The following ERG variants were observed in gnomAD, a reference collection of about 807,000 sequenced individuals.
ERG encodes ETS transcription factor ERG.
Under a neutral mutation model 55.3 loss-of-function variants are expected in ERG, and 9 were observed. The ratio of observed to expected loss-of-function variants is 0.16; its 90% CI spans 0.10 to 0.28. ERG has a LOEUF of 0.28. Among genes scored for constraint, ERG ranks in the 10% least tolerant of loss-of-function variants. The pLI, the probability that ERG is intolerant of heterozygous loss-of-function variation, is 1.00. For missense variants in ERG, 434 were observed against 631.6 expected, an observed-to-expected ratio of 0.69 and a Z score of 3.35; for synonymous variants, 223 against 237.3, an observed-to-expected ratio of 0.94 and a Z score of 0.55.
upstream of ERG, among the ~76,000 whole-genome samples, chr21:38,587,089 A>T (rs2060070380): frequency 6.6e-6 from 1 of 152,212 alleles, no homozygotes. Context: ...GAAAAGTTGA[A>T]CTCCTATTTC....
upstream of ERG, among the ~76,000 whole-genome samples, chr21:38,586,766 G>A (rs1180232829): frequency 6.6e-6 from 1 of 152,150 alleles, no homozygotes; most frequent in African/African-American, 2.4e-5. Context: ...CATGATTGCT[G>A]GCAATCCCAC....
At chr21:38,624,000 A>G (rs1026262305) in intron 1 of ERG, among the ~76,000 whole-genome samples, 1 of 152,200 alleles carries the variant, frequency 6.6e-6, no homozygotes, top group African/African-American at 2.4e-5. Flanking sequence ...CATTCCTGAG[A>G]TGTTTTCCAT....
chr21:38,629,092 C>A (rs1051316727), intron 1 of ERG, among the ~76,000 whole-genome samples: 1 of 152,206 alleles, frequency 6.6e-6, no homozygotes, highest in Admixed American at 6.5e-5. Context: ...CAGAGTCCTG[C>A]AGCCCCTGGA....
intron 1 of ERG, among the ~76,000 whole-genome samples, chr21:38,495,394 G>A (rs554632002): frequency 6.6e-6 from 1 of 152,200 alleles, no homozygotes; most frequent in African/African-American, 2.4e-5. Flanking sequence ...TAGCACTAGG[G>A]TGCCCTCAGG....
chr21:38,435,028 A>C (rs1026296920), intron 2 of ERG, among the ~76,000 whole-genome samples: 2 of 152,296 alleles, frequency 1.3e-5, no homozygotes, highest in Non-Finnish European at 2.9e-5. Context: ...CACATTAAGA[A>C]GAACTTGGTG....
intron 1 of ERG, among the ~76,000 whole-genome samples, chr21:38,616,731 C>A (rs927923079): frequency 6.6e-6 from 1 of 152,094 alleles, no homozygotes; most frequent in African/African-American, 2.4e-5. Flanking sequence ...GTCTACCCTC[C>A]CCCACCTCAT....
At chr21:38,593,734 A>G (rs1024611085) in intron 1 of ERG, among the ~76,000 whole-genome samples, 4 of 152,214 alleles carry the variant, frequency 2.6e-5, no homozygotes, top group Non-Finnish European at 5.9e-5. Flanking sequence ...TTTTAGATAA[A>G]GCAAAACTCC....
At chr21:38,492,152 A>T (rs1055760900) in intron 1 of ERG, among the ~76,000 whole-genome samples, 4 of 152,232 alleles carry the variant, frequency 2.6e-5, no homozygotes, top group Non-Finnish European at 5.9e-5. Flanking sequence ...GAAGGGAGAC[A>T]GATTTGTGTG....
At chr21:38,603,232 T>C (rs1168538633) in intron 1 of ERG, among the ~76,000 whole-genome samples, 2 of 152,028 alleles carry the variant, frequency 1.3e-5, no homozygotes, top group Non-Finnish European at 2.9e-5. Context: ...GCAAGTCCTT[T>C]GTTAATGAAA....
At chr21:38,428,022 A>G (rs986249642) in intron 2 of ERG, among the ~76,000 whole-genome samples, 1 of 152,038 alleles carries the variant, frequency 6.6e-6, no homozygotes, top group Admixed American at 6.5e-5. Flanking sequence ...GTGTTTACAA[A>G]AAATACAAAA....
At chr21:38,604,454 G>A (rs1354337593) in intron 1 of ERG, among the ~76,000 whole-genome samples, 3 of 151,992 alleles carry the variant, frequency 2.0e-5, no homozygotes. Flanking sequence ...AGTTACACAA[G>A]GGTGGTATAA....
intron 1 of ERG, chr21:38,660,523 G>A (rs1255462962): frequency 2.6e-5 from 4 of 152,250 alleles, no homozygotes; most frequent in African/African-American, 4.8e-5. Context: ...TGGACTTACC[G>A]AGAGGTTAGC....
chr21:38,456,986 T>C (rs563610364), intron 1 of ERG, among the ~76,000 whole-genome samples: 93 of 152,344 alleles, frequency 6.1e-4, no homozygotes, highest in African/African-American at 2.0e-3. Context: ...CCAGTGAGAC[T>C]TGATTTTTAT....
intron 2 of ERG, among the ~76,000 whole-genome samples, chr21:38,428,620 T>A (rs1989956427): frequency 6.6e-6 from 1 of 151,948 alleles, no homozygotes; most frequent in Non-Finnish European, 1.5e-5. Flanking sequence ...GGTCAGGGAG[T>A]CCCTGATGCC....
At chr21:38,481,099 G>C (rs1430722026) in intron 1 of ERG, among the ~76,000 whole-genome samples, 2 of 152,152 alleles carry the variant, frequency 1.3e-5, no homozygotes, top group East Asian at 3.8e-4. Context: ...TAATTAGGTT[G>C]AGAAACAATG....
chr21:38,382,218 T>A lies in ERG; in HGVS notation c.*1185A>T. ...GTAGTGTATAAATGCATAAGTTATATAATTATTATATAAAAAGGGGGAAAA... is the reference window on the plus strand; with the variant it reads ...GTAGTGTATAAATGCATAAGTTATAAAATTATTATATAAAAAGGGGGAAAA... On this transcript the variant is annotated 3_prime_UTR_variant, in exon 10 of 10. Transcript: ENST00000288319. 6 of 1,047,260 alleles carry A rather than the reference T, an allele frequency of 5.7e-6. No homozygotes were observed. Among genetic ancestry groups the A allele is most frequent in the Non-Finnish European group, 6.9e-6 (6 of 867,156 alleles). 64.9% of individuals were successfully genotyped at this position (1,047,260 alleles called of 1,614,324 possible). A position where few individuals can be genotyped will look rare whatever the true frequency, so the allele number is the denominator to read the frequency against.
intron 2 of ERG, among the ~76,000 whole-genome samples, chr21:38,560,579 C>G (rs1264185369): frequency 6.6e-6 from 1 of 152,148 alleles, no homozygotes; most frequent in Non-Finnish European, 1.5e-5. Flanking sequence ...ACAGGCACAG[C>G]CCCCTTCCCC....
Position 38,381,234 on chromosome 21 carries a change from C to T in ERG, c.*2169G>A. 1 of 1,065,260 alleles carries T rather than the reference C, an allele frequency of 9.4e-7. No homozygotes were observed. Among genetic ancestry groups the T allele is most frequent in the Non-Finnish European group, 1.1e-6 (1 of 879,250 alleles). 66.0% of individuals were successfully genotyped at this position (1,065,260 alleles called of 1,614,324 possible). ...GTGAAAAAAACAGGCCCTGAAACAG[C>T]TATGAAAAGGGCCAGTTCAGAAACC... On this transcript the variant is annotated 3_prime_UTR_variant, in exon 10 of 10. Transcript: ENST00000288319.
In ERG at chr21:38,498,415, T is replaced by G; in HGVS notation, c.-35A>C. On this transcript the variant is annotated 5_prime_UTR_variant, in exon 1 of 10. Transcript: ENST00000288319. The surrounding 1 kb of genome is among the most constrained non-coding windows in gnomAD (Gnocchi z 4.6). ...AAGTTTATTGATCGTTAATAAATGT[T>G]AATAATAATTATTGCTTCTCTCTGA... 1.3e-6 allele frequency: 2 copies of G among 1,598,062 alleles called. No homozygotes were observed. Among genetic ancestry groups the G allele is most frequent in the Non-Finnish European group, 1.7e-6 (2 of 1,170,704 alleles).
Sources: gnomAD v4.1 joint callset for allele counts (sites outside exome capture counted in the v4.1 genomes callset) on GRCh38, gnomAD v4.1.1 for gene constraint, Gnocchi (gnomAD v3.1) non-coding constraint, MANE v1.5 for transcripts, NCBI Gene and HGNC (gene_info 2026-07-23, HGNC 2026-07-21) for gene names.